Variants in UNC13B observed in about 807,000 individuals in gnomAD.
The protein encoded by UNC13B is protein unc-13 homolog B.
A neutral mutation model predicts 211.0 loss-of-function variants in UNC13B; 144 were observed. The observed-to-expected ratio is 0.68, with a 90% CI of 0.60 to 0.78. The LOEUF (loss-of-function observed/expected upper bound fraction) is 0.78. Ranked by LOEUF, UNC13B falls within the 30% of genes least tolerant of loss-of-function variation. The pLI is 0.00. For missense variants in UNC13B, 1,777 were observed against 2,002.0 expected, an observed-to-expected ratio of 0.89 and a Z score of 2.14; for synonymous variants, 709 against 725.8, an observed-to-expected ratio of 0.98 and a Z score of 0.37.
At chr9:35,322,586 T>C (rs1302003288) in intron 11 of UNC13B, among the ~76,000 whole-genome samples, 1 of 152,148 alleles carries the variant, frequency 6.6e-6, no homozygotes, top group Non-Finnish European at 1.5e-5. Flanking sequence ...TTAGGGGCGA[T>C]CATTAAGACA....
chr9:35,299,295 TCTG>T (rs1829555672), intron 8 of UNC13B, among the ~76,000 whole-genome samples: 1 of 152,174 alleles, frequency 6.6e-6, no homozygotes, highest in Non-Finnish European at 1.5e-5. Context: ...AAGTTTGACT[TCTG>T]CTGATAGTAA....
chr9:35,335,141 G>A (rs1831581664), intron 11 of UNC13B, among the ~76,000 whole-genome samples: 1 of 152,196 alleles, frequency 6.6e-6, no homozygotes, highest in African/African-American at 2.4e-5. Context: ...GTTGCCACAG[G>A]ACTTTAAGGA....
chr9:35,162,123 C>A lies in UNC13B; in HGVS notation c.-161C>A. 9.2e-7 allele frequency: 1 copy of A among 1,092,576 alleles called. No individual in the cohort carries two copies. The highest frequency in any genetic ancestry group is 1.3e-6 in the Non-Finnish European group (1 of 757,258). The allele number at this position is 1,092,576 out of a possible 1,614,324, so 67.7% of individuals were successfully genotyped here. On this transcript the variant is annotated 5_prime_UTR_variant, in exon 1 of 40. Coordinates refer to ENST00000635942, the MANE Select transcript of UNC13B (RefSeq NM_001371189.2). ...TTCGCTCAGACGGTGAGATTTGGGG[C>A]GGGTCCGAGGCAGCGGCGGGACGCT...
chr9:35,204,974 C>A (rs1823556181), intron 1 of UNC13B, among the ~76,000 whole-genome samples: 1 of 152,146 alleles, frequency 6.6e-6, no homozygotes, highest in Non-Finnish European at 1.5e-5. Context: ...GAATTGTAAT[C>A]CCCAGTGTTG....
chr9:35,279,599 A>G (rs1301671416), intron 7 of UNC13B, among the ~76,000 whole-genome samples: 1 of 152,196 alleles, frequency 6.6e-6, no homozygotes, highest in Non-Finnish European at 1.5e-5. Context: ...TGCTTCCAGT[A>G]TTTGCAGTTA....
In UNC13B at chr9:35,248,693, T is replaced by A. The variant is rs534253347; in HGVS notation, c.468+5329T>A. ...GAATGAGTTTATTACTCCTGAGTTC[T>A]AGTTTGATTGCACTGTGGTCTGAGA... On this transcript the variant is annotated intron_variant, in intron 6 of 39. Coordinates refer to ENST00000635942, the MANE Select transcript of UNC13B (RefSeq NM_001371189.2). 1.1e-4 allele frequency among the ~76,000 whole-genome samples: 16 copies of A among 152,356 alleles called. No individual in the cohort carries two copies. In the East Asian group the frequency reaches 3.1e-3, roughly 29 times the overall value.
rs563796327 is a variant in UNC13B at position 35,362,612 on chromosome 9, A to T, written c.9415-4335A>T. Among the ~76,000 whole-genome samples the T allele has an allele frequency of 1.2e-4, 19 of 152,272 alleles. No homozygotes were observed. In the South Asian group the frequency reaches 2.5e-3, roughly 20 times the overall value. ...ATCACAAGGTCAGGAGATCAAGACC[A>T]TCCTGGCTAACACAGTGAAACCCTG... On this transcript the variant is annotated intron_variant, in intron 11 of 39. Coordinates refer to ENST00000635942, the MANE Select transcript of UNC13B (RefSeq NM_001371189.2).
intron 35 of UNC13B, 63 bp from the exon 36 acceptor site, chr9:35,399,586 G>A: frequency 6.2e-7 from 1 of 1,604,348 alleles, no homozygotes. Flanking sequence ...GGGGCTGGCA[G>A]GTGGGTGCAA....
In UNC13B at chr9:35,342,330, G is replaced by T. The variant is rs79963711; in HGVS notation, c.9415-24617G>T. On this transcript the variant is annotated intron_variant, in intron 11 of 39. Coordinates refer to ENST00000635942, the MANE Select transcript of UNC13B (RefSeq NM_001371189.2). The stretch of plus-strand genomic sequence containing the variant: ...TTTTAATTTCCTTAACCCTTATTTT[G>T]GTTGCAGCAGCAAGGTAAGTGGTAC... 4.6e-3 allele frequency: 4,532 copies of T among 985,248 alleles called. 154 individuals carry two copies. The African/African-American group carries it at 0.073, about 16-fold the overall frequency. The allele number at this position is 985,248 out of a possible 1,614,324, so 61.0% of individuals were successfully genotyped here.
intron 29 of UNC13B, 143 bp from the exon 30 acceptor site, chr9:35,397,488 TGAGA>T (rs780853733): frequency 8.5e-5 from 109 of 1,276,018 alleles, no homozygotes; most frequent in Non-Finnish European, 1.2e-4. Flanking sequence ...GTTCTGTGGT[TGAGA>T]GAGAGCTTTC....
At chr9:35,353,165 G>A in intron 11 of UNC13B, 1 of 1,232,182 alleles carries the variant, frequency 8.1e-7, no homozygotes, top group Admixed American at 4.2e-5. Context: ...CCTGAATGAA[G>A]AGGAGGAATG....
chr9:35,289,938 C>T (rs147272897), intron 7 of UNC13B, among the ~76,000 whole-genome samples: 1,683 of 152,092 alleles, frequency 0.011, 23 homozygotes, highest in Non-Finnish European at 0.016. Context: ...ATCGTGTCAC[C>T]GCACTCCAAC....
rs1198563673 is a variant in UNC13B, at chr9:35,307,284, G to A, written c.7880G>A (p.Ser2627Asn). The A allele has an allele frequency of 5.0e-6, 2 of 398,882 alleles. No individual in the cohort carries two copies. Among genetic ancestry groups the A allele is most frequent in the Non-Finnish European group, 8.8e-6 (2 of 226,070 alleles). The allele number at this position is 398,882 out of a possible 1,614,324, so 24.7% of individuals were successfully genotyped here. A position where few individuals can be genotyped will look rare whatever the true frequency, so the allele number is the denominator to read the frequency against. ...DDTGQGVLSL[S>N]DEGDMGILQA... Reference sequence around the variant, plus strand: ...ACTGGGCAAGGAGTATTGTCTCTGAGTGATGAAGGAGACATGGGGATATTG... The same window carrying A: ...ACTGGGCAAGGAGTATTGTCTCTGAATGATGAAGGAGACATGGGGATATTG... The change falls in exon 9 of 40, where the codon AGT becomes AAT. Residue 2627 changes from serine (S) to asparagine (N), a missense_variant. Physicochemically the swap from Ser to Asn is conservative, Grantham distance 46. Coordinates refer to ENST00000635942, the MANE Select transcript of UNC13B (RefSeq NM_001371189.2).
chr9:35,336,397 G>A (rs890736894), intron 11 of UNC13B, among the ~76,000 whole-genome samples: 18 of 152,034 alleles, frequency 1.2e-4, no homozygotes, highest in African/African-American at 3.6e-4. Context: ...CATTTCCCCC[G>A]TTAGGTTATG....
intron 6 of UNC13B, among the ~76,000 whole-genome samples, chr9:35,257,132 T>C (rs1826924616): frequency 6.6e-6 from 1 of 151,652 alleles, no homozygotes; most frequent in Non-Finnish European, 1.5e-5. Context: ...CAAGTCCTTT[T>C]GTTACTTTGG....
chr9:35,392,048 A>G (rs571512206), intron 26 of UNC13B, among the ~76,000 whole-genome samples: 2 of 152,362 alleles, frequency 1.3e-5, no homozygotes, highest in East Asian at 1.9e-4. Context: ...TTCACCGCCT[A>G]TGTAGCACTG....
Position 35,378,351 on chromosome 9 carries a change from G to A in UNC13B, c.10120G>A (p.Val3374Met), listed in dbSNP as rs1037516021. The A allele has an allele frequency of 5.0e-6, 8 of 1,614,146 alleles. No individual in the cohort carries two copies. Among genetic ancestry groups the A allele is most frequent in the Middle Eastern group, 1.6e-4 (1 of 6,062 alleles). Reference sequence around the variant, plus strand: ...CAAAACAGGATCCAGTGACCCTTACGTGACTGTGCAAGTCAGCAAAACTAA... The same window carrying A: ...CAAAACAGGATCCAGTGACCCTTACATGACTGTGCAAGTCAGCAAAACTAA... ...KDKTGSSDPY[V>M]TVQVSKTKKR... Residue 3374 changes from valine (V) to methionine (M), a missense_variant, in exon 17 of 40, where the codon GTG (valine) becomes ATG (methionine). By Grantham distance (21) the Val-to-Met change is conservative (BLOSUM62 1). Transcript: ENST00000635942.
chr9:35,222,005 C>G (rs1326073574), intron 1 of UNC13B, among the ~76,000 whole-genome samples: 1 of 152,128 alleles, frequency 6.6e-6, no homozygotes, highest in Non-Finnish European at 1.5e-5. Context: ...CTAATTTTTT[C>G]CATTGATCAT....
At position 35,305,488 on chromosome 9, in the gene UNC13B, G is replaced by C. The variant is rs1288958206; in HGVS notation, c.6084G>C (p.Gly2028=). ...TGGAGCTAGCTAGCCAGGGTGCTGG[G>C]AACTTTCCTGCTGCACCAATTTCCT... The part of the protein sequence containing the change: ...TPMELASQGA[G]NFPAAPISSK... The change falls in exon 9 of 40, where the codon GGG becomes GGC. Residue 2028 remains glycine (G), a synonymous_variant. Coordinates refer to ENST00000635942, the MANE Select transcript of UNC13B (RefSeq NM_001371189.2). 1.3e-5 allele frequency: 5 copies of C among 398,864 alleles called. No individual in the cohort carries two copies. The Admixed American group carries it at 2.2e-4, about 18-fold the overall frequency. 24.7% of individuals were successfully genotyped at this position (398,864 alleles called of 1,614,324 possible).
Sources: allele counts gnomAD v4.1 joint callset (sites outside exome capture counted in the v4.1 genomes callset), GRCh38; gene constraint gnomAD v4.1.1; transcripts MANE v1.5; gene names NCBI Gene and HGNC (gene_info 2026-07-23, HGNC 2026-07-21).